The following CELF2 variants were observed in gnomAD, a reference collection of about 807,000 sequenced individuals.
CELF2 encodes the protein CUGBP Elav-like family member 2.
CELF2 carries 8 observed loss-of-function variants against 62.6 expected under a neutral mutation model. That is an observed-to-expected ratio of 0.13 (90% CI 0.07 to 0.23). CELF2 has a LOEUF of 0.23. CELF2 is among the 10% of genes least tolerant of loss of function. The pLI is 1.00. For missense variants in CELF2, 333 were observed against 671.0 expected, an observed-to-expected ratio of 0.50 and a Z score of 5.56; for synonymous variants, 258 against 250.0, an observed-to-expected ratio of 1.03 and a Z score of -0.30.
At chr10:11,310,025 C>T (rs1370317106) in intron 9 of CELF2, among the ~76,000 whole-genome samples, 2 of 152,144 alleles carry the variant, frequency 1.3e-5, no homozygotes, top group East Asian at 3.8e-4. Context: ...AACTGGTCTT[C>T]TCTCCTTGCC....
chr10:10,711,221 A>G, the CELF2 span, among the ~76,000 whole-genome samples: 3 of 152,232 alleles, frequency 2.0e-5, no homozygotes, highest in Non-Finnish European at 2.9e-5. Flanking sequence ...AAGATAGCCA[A>G]TCATGTGACT....
chr10:11,229,882 G>C (rs1234752013), intron 3 of CELF2, among the ~76,000 whole-genome samples: 1 of 152,210 alleles, frequency 6.6e-6, no homozygotes, highest in Non-Finnish European at 1.5e-5. Flanking sequence ...GAGCCACCAT[G>C]CCCAGCCTAG....
chr10:10,904,147 A>C (rs1435375243), intron 1 of CELF2, among the ~76,000 whole-genome samples: 2 of 152,216 alleles, frequency 1.3e-5, no homozygotes, highest in African/African-American at 4.8e-5. Flanking sequence ...TTTAAACACA[A>C]ACATCCTTAA....
the CELF2 span, among the ~76,000 whole-genome samples, chr10:10,484,089 C>A: frequency 1.5e-3 from 57 of 37,644 alleles, no homozygotes; most frequent in Admixed American, 3.2e-3. Context: ...CTCTCTCTCT[C>A]CCCCTCCCTC....
chr10:11,026,060 G>A (rs1424442685), intron 1 of CELF2, among the ~76,000 whole-genome samples: 1 of 103,826 alleles, frequency 9.6e-6, no homozygotes, highest in Non-Finnish European at 2.3e-5. Flanking sequence ...CAGAGTTAGA[G>A]TAGGAAGAAA....
chr10:10,640,958 T>C, the CELF2 span, among the ~76,000 whole-genome samples: 1 of 152,144 alleles, frequency 6.6e-6, no homozygotes, highest in Non-Finnish European at 1.5e-5. Flanking sequence ...GCCAAAGAGA[T>C]CTGTACTGGC....
rs1029502450 is a variant in CELF2, at chr10:11,165,802, G to T, written c.271+120G>T. 9 of 935,322 alleles carry T rather than the reference G, an allele frequency of 9.6e-6. No individual in the cohort carries two copies. Among genetic ancestry groups the T allele is most frequent in the Non-Finnish European group, 1.2e-5 (8 of 644,072 alleles). The allele number at this position is 935,322 out of a possible 1,614,324, so 57.9% of individuals were successfully genotyped here. On this transcript the variant is annotated intron_variant, in intron 2 of 12. Coordinates refer to ENST00000633077, the MANE Select transcript of CELF2 (RefSeq NM_001326342.2). The surrounding 1 kb of genome is among the most constrained non-coding windows in gnomAD (Gnocchi z 7.4). The stretch of plus-strand genomic sequence containing the variant: ...GTAGGCAGGAGGGCTGGAAGCAGCC[G>T]GTGCTGGCGGCCCCTGTGCTCCAGG...
At chr10:11,197,065 AGAAAG>A (rs1181819279) in intron 2 of CELF2, among the ~76,000 whole-genome samples, 1 of 121,208 alleles carries the variant, frequency 8.3e-6, no homozygotes, top group Admixed American at 7.8e-5. Flanking sequence ...AAGAAAAGAA[AGAAAG>A]GAAAGAAAGA....
In CELF2 at chr10:11,165,345, A is replaced by G. The variant is rs1014280752; in HGVS notation, c.75-141A>G. On this transcript the variant is annotated intron_variant, in intron 1 of 12. Coordinates refer to ENST00000633077, the MANE Select transcript of CELF2 (RefSeq NM_001326342.2). This position sits in a 1 kb window ranked among gnomAD's most constrained non-coding sequence, Gnocchi z 7.4. ...GCCTCCGCTTTGTTTTAGTTCATCA[A>G]ATTTCTACGACTCATTAGGCACTTT... The G allele has an allele frequency of 1.1e-5, 16 of 1,463,898 alleles. No homozygotes were observed. Among genetic ancestry groups the G allele is most frequent in the Middle Eastern group, 3.6e-4 (2 of 5,536 alleles). The allele number at this position is 1,463,898 out of a possible 1,614,324, so 90.7% of individuals were successfully genotyped here. A position where few individuals can be genotyped will look rare whatever the true frequency, so the allele number is the denominator to read the frequency against.
At chr10:10,631,904 T>C in the CELF2 span, among the ~76,000 whole-genome samples, 4 of 152,186 alleles carry the variant, frequency 2.6e-5, no homozygotes, top group African/African-American at 9.7e-5. Context: ...GGTTCACCTC[T>C]AATCAGCTGC....
Position 11,191,778 on chromosome 10 carries a change from C to T in CELF2, c.272-25647C>T, listed in dbSNP as rs574060519. ...TTGGTGTTTAGATTTCTGAACAAAA[C>T]GATGATCCAAAATCTGAGTGTGGAG... On this transcript the variant is annotated intron_variant, in intron 2 of 12. Coordinates refer to ENST00000633077, the MANE Select transcript of CELF2 (RefSeq NM_001326342.2). This position sits in a 1 kb window ranked among gnomAD's most constrained non-coding sequence, Gnocchi z 4.1. Among the ~76,000 whole-genome samples, 9 of 152,160 alleles carry T rather than the reference C, an allele frequency of 5.9e-5. No homozygotes were observed. Among genetic ancestry groups the T allele is most frequent in the Non-Finnish European group, 1.2e-4 (8 of 68,016 alleles).
chr10:11,249,977 T>G (rs1259567147), intron 4 of CELF2, among the ~76,000 whole-genome samples: 2 of 152,250 alleles, frequency 1.3e-5, no homozygotes, highest in African/African-American at 2.4e-5. Context: ...CAGTACTGTT[T>G]CCTTCCAGCA....
chr10:10,657,859 A>G, the CELF2 span, among the ~76,000 whole-genome samples: 1 of 152,208 alleles, frequency 6.6e-6, no homozygotes, highest in East Asian at 1.9e-4. Context: ...TTCATAAGCA[A>G]ATAATAATCA....
At chr10:10,890,381 C>T (rs1232022567) in intron 1 of CELF2, among the ~76,000 whole-genome samples, 1 of 152,150 alleles carries the variant, frequency 6.6e-6, no homozygotes. Flanking sequence ...TCACCAGCTG[C>T]TGGTCTAGAC....
At chr10:11,066,591 C>A (rs56838130) in intron 1 of CELF2, among the ~76,000 whole-genome samples, 3,083 of 152,224 alleles carry the variant, frequency 0.02, 106 homozygotes, top group African/African-American at 0.07. Context: ...CCATGAGCAT[C>A]CCACTTGTCA....
chr10:11,057,215 A>C (rs2065471873), intron 1 of CELF2, among the ~76,000 whole-genome samples: 1 of 149,040 alleles, frequency 6.7e-6, no homozygotes, highest in Admixed American at 6.7e-5. Flanking sequence ...ACAGAAGCTA[A>C]TGAGCCAGTG....
intron 1 of CELF2, among the ~76,000 whole-genome samples, chr10:10,899,483 G>A (rs1287894034): frequency 1.3e-5 from 2 of 152,262 alleles, no homozygotes; most frequent in South Asian, 2.1e-4. Flanking sequence ...AACAAGCTTC[G>A]TCTGCAGAGA....
At chr10:10,687,776 C>G in the CELF2 span, among the ~76,000 whole-genome samples, 1 of 152,186 alleles carries the variant, frequency 6.6e-6, no homozygotes, top group Non-Finnish European at 1.5e-5. Flanking sequence ...CGGGATGCAA[C>G]ATTTACATAA....
chr10:11,124,106 T>C (rs1196831504), intron 1 of CELF2, among the ~76,000 whole-genome samples: 5 of 152,132 alleles, frequency 3.3e-5, no homozygotes, highest in Non-Finnish European at 7.3e-5. Flanking sequence ...TTCACTATCA[T>C]GAGAACAGTA....
Sources: gnomAD v4.1 joint callset for allele counts (sites outside exome capture counted in the v4.1 genomes callset) on GRCh38, gnomAD v4.1.1 for gene constraint, Gnocchi (gnomAD v3.1) non-coding constraint, MANE v1.5 for transcripts, NCBI Gene and HGNC (gene_info 2026-07-23, HGNC 2026-07-21) for gene names.